SLC24A3: variants seen among roughly 807,000 people sequenced by gnomAD.
SLC24A3 encodes sodium/potassium/calcium exchanger 3.
Under a neutral mutation model 75.8 loss-of-function variants are expected in SLC24A3, and 28 were observed. The observed-to-expected ratio is 0.37, with a 90% CI of 0.27 to 0.51. The LOEUF (loss-of-function observed/expected upper bound fraction) is 0.51. Ranked by LOEUF, SLC24A3 falls within the 20% of genes least tolerant of loss-of-function variation. The probability of loss-of-function intolerance (pLI) is 0.94; values close to 1 mark genes in which losing one functional copy is unlikely to be tolerated. For missense variants in SLC24A3, 663 were observed against 847.8 expected, an observed-to-expected ratio of 0.78 and a Z score of 2.71; for synonymous variants, 372 against 334.1, an observed-to-expected ratio of 1.11 and a Z score of -1.24.
At chr20:19,488,563 A>G (rs1042806464) in intron 2 of SLC24A3, among the ~76,000 whole-genome samples, 7 of 152,198 alleles carry the variant, frequency 4.6e-5, no homozygotes, top group African/African-American at 1.7e-4. Context: ...ACTCTCCATT[A>G]CTGTCACCAC....
intron 2 of SLC24A3, among the ~76,000 whole-genome samples, chr20:19,388,661 G>A (rs747757922): frequency 8.5e-5 from 13 of 152,212 alleles, no homozygotes; most frequent in Admixed American, 7.8e-4. Flanking sequence ...GCAGTGAGCC[G>A]AGATTGGGCC....
Position 19,644,013 on chromosome 20 carries a change from G to A in SLC24A3, c.613-10049G>A, listed in dbSNP as rs570464093. 3.9e-5 allele frequency among the ~76,000 whole-genome samples: 6 copies of A among 152,282 alleles called. No individual in the cohort carries two copies. The South Asian group carries it at 1.2e-3, about 32-fold the overall frequency. ...GGAATAGGAGAGCTTGGGGGGAGCA[G>A]GAATTTTCTAACATGGTTCTATCCA... is the stretch of plus-strand genomic sequence containing the variant. On this transcript the variant is annotated intron_variant, in intron 6 of 16. Coordinates refer to ENST00000328041, the MANE Select transcript of SLC24A3 (RefSeq NM_020689.4).
chr20:19,509,102 G>A (rs1988500373), intron 2 of SLC24A3, among the ~76,000 whole-genome samples: 1 of 152,056 alleles, frequency 6.6e-6, no homozygotes, highest in Admixed American at 6.6e-5. Context: ...ATGGCGGTAG[G>A]TATTTCACAT....
At chr20:19,270,984 G>A (rs1983314033) in intron 1 of SLC24A3, among the ~76,000 whole-genome samples, 1 of 152,218 alleles carries the variant, frequency 6.6e-6, no homozygotes, top group Admixed American at 6.5e-5. Context: ...GCCAGAGGAA[G>A]CGGAGCCTGA....
At chr20:19,666,458 A>G (rs2122722535) in intron 8 of SLC24A3, among the ~76,000 whole-genome samples, 1 of 152,156 alleles carries the variant, frequency 6.6e-6, no homozygotes, top group East Asian at 1.9e-4. Flanking sequence ...GTGAGCCAAG[A>G]TCACACCACT....
At chr20:19,460,004 G>A (rs1365315651) in intron 2 of SLC24A3, among the ~76,000 whole-genome samples, 3 of 152,174 alleles carry the variant, frequency 2.0e-5, no homozygotes, top group Non-Finnish European at 4.4e-5. Flanking sequence ...AGCTCCTAGG[G>A]GATGCTGATA....
intron 6 of SLC24A3, among the ~76,000 whole-genome samples, chr20:19,609,973 C>T (rs1244611282): frequency 6.6e-6 from 1 of 152,194 alleles, no homozygotes; most frequent in African/African-American, 2.4e-5. Context: ...TCTGTTTCTA[C>T]TCACTGAGTC....
At chr20:19,592,144 T>G (rs746924848) in intron 6 of SLC24A3, among the ~76,000 whole-genome samples, 7 of 152,232 alleles carry the variant, frequency 4.6e-5, no homozygotes, top group Non-Finnish European at 1.0e-4. Flanking sequence ...TTTGTTTTCA[T>G]TTTAGCCATT....
At chr20:19,291,181 C>T (rs746659832) in intron 2 of SLC24A3, among the ~76,000 whole-genome samples, 5 of 152,184 alleles carry the variant, frequency 3.3e-5, no homozygotes, top group Non-Finnish European at 7.3e-5. Context: ...GCACATCTCC[C>T]GGCTGCTCTC....
intron 15 of SLC24A3, among the ~76,000 whole-genome samples, chr20:19,704,113 G>A (rs1245836447): frequency 6.6e-6 from 1 of 152,140 alleles, no homozygotes; most frequent in African/African-American, 2.4e-5. Context: ...CGCAGTGCTT[G>A]GCACTTGGAA....
chr20:19,587,162 C>G (rs2031309814), intron 6 of SLC24A3, among the ~76,000 whole-genome samples: 2 of 152,184 alleles, frequency 1.3e-5, no homozygotes, highest in Non-Finnish European at 2.9e-5. Flanking sequence ...TTAGTGTTGT[C>G]ATTAGTTCAT....
rs572965676 is a variant in SLC24A3 at position 19,648,575 on chromosome 20, A to T, written c.613-5487A>T. Among the ~76,000 whole-genome samples the T allele has an allele frequency of 3.3e-5, 5 of 150,852 alleles. No homozygotes were observed. In the South Asian group the frequency reaches 1.0e-3, roughly 32 times the overall value. On this transcript the variant is annotated intron_variant, in intron 6 of 16. Transcript: ENST00000328041. Reference sequence around the variant, plus strand: ...TCATAAATATTATATAATATTACAGATACGCAATCTATCTTCATATATACT... The same window carrying T: ...TCATAAATATTATATAATATTACAGTTACGCAATCTATCTTCATATATACT...
Position 19,302,054 on chromosome 20 carries a change from C to T in SLC24A3, c.271+20967C>T, listed in dbSNP as rs1036737328. ...ATCACCTTAATTCTAGTAACATGCCCATGAGTCAGGCATTCCAGGAACACC... is the reference window on the plus strand; with the variant it reads ...ATCACCTTAATTCTAGTAACATGCCTATGAGTCAGGCATTCCAGGAACACC... On this transcript the variant is annotated intron_variant, in intron 2 of 16. Transcript: ENST00000328041. Among the ~76,000 whole-genome samples the T allele has an allele frequency of 4.6e-5, 7 of 152,332 alleles. No homozygotes were observed. The South Asian group carries it at 1.2e-3, about 27-fold the overall frequency.
Position 19,588,229 on chromosome 20 carries a change from AC to A in SLC24A3, c.612+2686del, listed in dbSNP as rs533398994. ...GGTGGAGTTGGTGCAGTGGAATGTT[AC>A]GGCAAAGGCTGGATATTGGGAATTG... On this transcript the variant is annotated intron_variant, in intron 6 of 16. Transcript: ENST00000328041. Among the ~76,000 whole-genome samples, 927 of 152,308 alleles carry A rather than the reference AC, an allele frequency of 6.1e-3. 6 individuals are homozygous for A. Among genetic ancestry groups the A allele is most frequent in the Middle Eastern group, 0.031 (9 of 294 alleles).
At chr20:19,513,183 G>A (rs2029916465) in intron 2 of SLC24A3, among the ~76,000 whole-genome samples, 1 of 152,186 alleles carries the variant, frequency 6.6e-6, no homozygotes, top group Non-Finnish European at 1.5e-5. Context: ...ATCCTCTTTT[G>A]GAGGAGGTCA....
At chr20:19,628,495 A>AT (rs2031894122) in intron 6 of SLC24A3, among the ~76,000 whole-genome samples, 1 of 152,188 alleles carries the variant, frequency 6.6e-6, no homozygotes, top group Non-Finnish European at 1.5e-5. Flanking sequence ...TGTTGGACTT[A>AT]CCTACTATAT....
intron 2 of SLC24A3, among the ~76,000 whole-genome samples, chr20:19,503,163 T>G (rs1023095380): frequency 6.6e-6 from 1 of 152,062 alleles, no homozygotes; most frequent in Non-Finnish European, 1.5e-5. Context: ...AAGATACCTC[T>G]CATGTCATCA....
intron 1 of SLC24A3, among the ~76,000 whole-genome samples, chr20:19,271,342 A>G (rs1450343836): frequency 6.6e-6 from 1 of 151,806 alleles, no homozygotes; most frequent in East Asian, 1.9e-4. Context: ...AAAAAAAAAG[A>G]TGTTGGTGTG....
chr20:19,416,289 G>A (rs917087975), intron 2 of SLC24A3, among the ~76,000 whole-genome samples: 11 of 152,172 alleles, frequency 7.2e-5, no homozygotes, highest in African/African-American at 2.7e-4. Context: ...CTTGTAAGTG[G>A]CAGAGCCCAG....
Sources: gnomAD v4.1 joint callset for allele counts (sites outside exome capture counted in the v4.1 genomes callset) on GRCh38, gnomAD v4.1.1 for gene constraint, MANE v1.5 for transcripts, NCBI Gene and HGNC (gene_info 2026-07-23, HGNC 2026-07-21) for gene names.